LHFPL3: variants seen among roughly 807,000 people sequenced by gnomAD.
The protein encoded by LHFPL3 is LHFPL tetraspan subfamily member 3 protein.
A neutral mutation model predicts 19.3 loss-of-function variants in LHFPL3; 5 were observed. That is an observed-to-expected ratio of 0.26 (90% confidence interval 0.14 to 0.54). LHFPL3 has a LOEUF of 0.54. Among genes scored for constraint, LHFPL3 ranks in the 20% least tolerant of loss-of-function variants. The pLI, the probability that LHFPL3 is intolerant of heterozygous loss-of-function variation, is 0.94. For synonymous variants in LHFPL3, 133 were observed against 126.2 expected (o/e 1.05, Z -0.36); for missense variants, 249 against 307.4 (o/e 0.81, Z 1.42).
At chr7:104,385,405 C>G (rs1265147794) in intron 1 of LHFPL3, among the ~76,000 whole-genome samples, 2 of 150,840 alleles carry the variant, frequency 1.3e-5, no homozygotes, top group African/African-American at 2.4e-5. Context: ...GATATCTGAG[C>G]AGAGTTAATG....
intron 1 of LHFPL3, among the ~76,000 whole-genome samples, chr7:104,597,825 T>C (rs956250606): frequency 6.6e-6 from 1 of 152,160 alleles, no homozygotes; most frequent in Non-Finnish European, 1.5e-5. Flanking sequence ...TATGCATGAA[T>C]TACAATTTTT....
At chr7:104,613,900 A>C (rs1791257624) in intron 1 of LHFPL3, among the ~76,000 whole-genome samples, 1 of 152,118 alleles carries the variant, frequency 6.6e-6, no homozygotes, top group South Asian at 2.1e-4. Flanking sequence ...ATTAGTGGGG[A>C]GGTTGGTCAG....
chr7:104,329,384 G>A (rs1413875712), intron 1 of LHFPL3, among the ~76,000 whole-genome samples, 160 bp downstream of exon 1: 1 of 152,170 alleles, frequency 6.6e-6, no homozygotes, highest in African/African-American at 2.4e-5. Context: ...CAGCGAGGCC[G>A]GAACCCCCGG....
At chr7:104,535,667 CAAAA>C (rs756045858) in intron 1 of LHFPL3, among the ~76,000 whole-genome samples, 38 of 152,226 alleles carry the variant, frequency 2.5e-4, no homozygotes, top group Non-Finnish European at 4.4e-4. Flanking sequence ...ATATTAGAAA[CAAAA>C]AAGCCCTGTG....
chr7:104,635,656 A>G (rs2115867937), intron 1 of LHFPL3, among the ~76,000 whole-genome samples: 1 of 152,282 alleles, frequency 6.6e-6, no homozygotes, highest in South Asian at 2.1e-4. Flanking sequence ...TCTCTGTGCC[A>G]TTTCTCAAGA....
rs138936144 is a variant in LHFPL3 at position 104,555,580 on chromosome 7, C to T, written c.446-181095C>T. Among the ~76,000 whole-genome samples the T allele has an allele frequency of 1.3e-3, 199 of 152,324 alleles. 1 individual carries two copies. The highest frequency in any genetic ancestry group is 4.5e-3 in the African/African-American group (187 of 41,576). ...CCCCCAAAATTCAATCACCTCTCAT[C>T]GGGTTCCTCCCACAACATGTGAGAA... On this transcript the variant is annotated intron_variant, in intron 1 of 2. Coordinates refer to ENST00000424859, the MANE Select transcript of LHFPL3 (RefSeq NM_199000.3).
intron 1 of LHFPL3, among the ~76,000 whole-genome samples, chr7:104,333,152 T>A (rs937451184): frequency 6.6e-6 from 1 of 152,254 alleles, no homozygotes; most frequent in Admixed American, 6.5e-5. Context: ...CTGAGTCTAC[T>A]AATAACCACA....
chr7:104,406,113 C>T (rs1184258976), intron 1 of LHFPL3, among the ~76,000 whole-genome samples: 1 of 152,196 alleles, frequency 6.6e-6, no homozygotes, highest in Admixed American at 6.5e-5. Context: ...TAGTCGCTTC[C>T]TCTAATTTCA....
At chr7:104,388,383 G>A (rs1263061982) in intron 1 of LHFPL3, among the ~76,000 whole-genome samples, 1 of 151,862 alleles carries the variant, frequency 6.6e-6, no homozygotes, top group Non-Finnish European at 1.5e-5. Flanking sequence ...AACTTATCAT[G>A]TAAAAGGGAT....
chr7:104,884,037 G>C (rs746901438), intron 2 of LHFPL3, among the ~76,000 whole-genome samples: 1 of 151,340 alleles, frequency 6.6e-6, no homozygotes, highest in South Asian at 2.1e-4. Context: ...GCCCTGCCTC[G>C]TAAAACTTTT....
intron 1 of LHFPL3, among the ~76,000 whole-genome samples, chr7:104,405,233 T>C (rs1172073157): frequency 1.3e-5 from 2 of 152,218 alleles, no homozygotes; most frequent in African/African-American, 4.8e-5. Flanking sequence ...TACAGAATTA[T>C]AGACTGAAGT....
At chr7:104,458,271 C>G (rs1792586446) in intron 1 of LHFPL3, among the ~76,000 whole-genome samples, 1 of 152,050 alleles carries the variant, frequency 6.6e-6, no homozygotes, top group South Asian at 2.1e-4. Flanking sequence ...AGTCTTTAAT[C>G]CATCTTAAAT....
chr7:104,534,275 A>AT (rs1794355591), intron 1 of LHFPL3, among the ~76,000 whole-genome samples: 1 of 152,158 alleles, frequency 6.6e-6, no homozygotes, highest in South Asian at 2.1e-4. Flanking sequence ...AAAGACATAG[A>AT]TTTTGGCATC....
intron 1 of LHFPL3, among the ~76,000 whole-genome samples, chr7:104,691,927 G>C (rs985746180): frequency 1.3e-5 from 2 of 152,224 alleles, no homozygotes; most frequent in Admixed American, 6.5e-5. Context: ...AATGCTGATA[G>C]TGATACAGAC....
chr7:104,744,732 G>T (rs1441203552), intron 2 of LHFPL3, among the ~76,000 whole-genome samples: 1 of 152,164 alleles, frequency 6.6e-6, no homozygotes, highest in African/African-American at 2.4e-5. Context: ...TGACCTGTCA[G>T]TAGCCTTTTC....
chr7:104,490,752 C>G (rs1483312472), intron 1 of LHFPL3, among the ~76,000 whole-genome samples: 1 of 152,106 alleles, frequency 6.6e-6, no homozygotes, highest in African/African-American at 2.4e-5. Flanking sequence ...AAATATTGCT[C>G]AAATTCTTTT....
At chr7:104,711,633 T>G (rs546471731) in intron 1 of LHFPL3, among the ~76,000 whole-genome samples, 1 of 152,028 alleles carries the variant, frequency 6.6e-6, no homozygotes, top group Admixed American at 6.5e-5. Context: ...AAAAAAACAA[T>G]GTACACAGCT....
intron 1 of LHFPL3, among the ~76,000 whole-genome samples, chr7:104,641,350 C>T (rs1791829881): frequency 6.6e-6 from 1 of 152,196 alleles, no homozygotes; most frequent in Non-Finnish European, 1.5e-5. Context: ...AGTCTGCTCG[C>T]TCCCTTGCTT....
chr7:104,704,166 G>A lies in LHFPL3; in HGVS notation c.446-32509G>A, dbSNP rs575728956. On this transcript the variant is annotated intron_variant, in intron 1 of 2. Transcript: ENST00000424859. Reference sequence around the variant, plus strand: ...ATCTTGTAATTTGAAGCTGGCCATGGTGGAAATGATTATACTATGAAAATT... The same window carrying A: ...ATCTTGTAATTTGAAGCTGGCCATGATGGAAATGATTATACTATGAAAATT... 1.1e-3 allele frequency among the ~76,000 whole-genome samples: 162 copies of A among 152,242 alleles called. No individual in the cohort carries two copies. The South Asian group carries it at 0.027, about 26-fold the overall frequency.
Sources: gnomAD v4.1 joint callset for allele counts (sites outside exome capture counted in the v4.1 genomes callset) on GRCh38, gnomAD v4.1.1 for gene constraint, MANE v1.5 for transcripts, NCBI Gene and HGNC (gene_info 2026-07-23, HGNC 2026-07-21) for gene names.